ANKRD36: variants seen among roughly 807,000 people sequenced by gnomAD.
ANKRD36 encodes ankyrin repeat domain-containing protein 36A.
Under a neutral mutation model 278.1 loss-of-function variants are expected in ANKRD36, and 179 were observed. That is an observed-to-expected ratio of 0.64 (90% CI 0.57 to 0.73). ANKRD36 has a LOEUF of 0.73. Among genes scored for constraint, ANKRD36 ranks in the 30% least tolerant of loss-of-function variants. The pLI, the probability that ANKRD36 is intolerant of heterozygous loss-of-function variation, is 0.00. For missense variants in ANKRD36, 1,159 were observed against 1,956.7 expected (o/e 0.59, Z 7.69); for synonymous variants, 320 against 641.1 (o/e 0.50, Z 7.57).
At chr2:97,232,851 A>G (rs1366830261) in intron 67 of ANKRD36, among the ~76,000 whole-genome samples, 1 of 152,090 alleles carries the variant, frequency 6.6e-6, no homozygotes, top group African/African-American at 2.4e-5. Context: ...GTAGTTATGG[A>G]TGAAATAAAA....
At chr2:97,207,695 C>G (rs1444897906) in intron 52 of ANKRD36, 116 bp from the exon 53 acceptor site, 10 of 1,486,176 alleles carry the variant, frequency 6.7e-6, no homozygotes, top group Non-Finnish European at 9.1e-6. Flanking sequence ...TAGAAGCCAT[C>G]AAAGCCTACG....
At chr2:97,220,363 T>C (rs1427623948) in intron 66 of ANKRD36, among the ~76,000 whole-genome samples, 37 of 149,878 alleles carry the variant, frequency 2.5e-4, no homozygotes, top group African/African-American at 4.0e-4. Context: ...TTTGTACTTA[T>C]TAAGCATCCT....
At chr2:97,129,639 A>G (rs2039546909) in intron 6 of ANKRD36, among the ~76,000 whole-genome samples, 1 of 152,000 alleles carries the variant, frequency 6.6e-6, no homozygotes, top group Admixed American at 6.6e-5. Context: ...ATCTTGAATT[A>G]ATTTTTGTAT....
intron 20 of ANKRD36, among the ~76,000 whole-genome samples, chr2:97,165,437 G>C (rs1007287986): frequency 6.6e-6 from 1 of 152,086 alleles, no homozygotes; most frequent in African/African-American, 2.4e-5. Context: ...TTGCTTATGT[G>C]GTTGCCTTTA....
chr2:97,230,007 A>G (rs2153671032), intron 67 of ANKRD36, among the ~76,000 whole-genome samples: 1 of 152,152 alleles, frequency 6.6e-6, no homozygotes, highest in South Asian at 2.1e-4. Flanking sequence ...CGAGAGATCC[A>G]CTGTTAGTCT....
Position 97,192,752 on chromosome 2 carries a change from G to C in ANKRD36, c.2348-106G>C, listed in dbSNP as rs986700294. 9.8e-6 allele frequency: 14 copies of C among 1,425,498 alleles called. No homozygotes were observed. In the African/African-American group the frequency reaches 1.7e-4, roughly 17 times the overall value. 88.3% of individuals were successfully genotyped at this position (1,425,498 alleles called of 1,614,324 possible). On this transcript the variant is annotated intron_variant, in intron 36 of 75. Coordinates refer to ENST00000420699, the MANE Select transcript of ANKRD36 (RefSeq NM_001354587.1). ...AAAAGTAGAAGCCATCAAAGCCTAC[G>C]CTAATACAGGCAGGAGAACAGAGGT...
chr2:97,180,740 C>G (rs200389722), intron 24 of ANKRD36, among the ~76,000 whole-genome samples: 9 of 151,682 alleles, frequency 5.9e-5, no homozygotes, highest in Non-Finnish European at 1.2e-4. Context: ...TCCTTAGAGA[C>G]TAACATGATA....
chr2:97,196,922 T>C (rs1247998463), intron 42 of ANKRD36, 134 bp downstream of exon 42: 13 of 1,380,026 alleles, frequency 9.4e-6, no homozygotes, highest in South Asian at 2.9e-5. Flanking sequence ...TCATTTGCAG[T>C]AGGTTCTTGG....
At chr2:97,216,556 G>A (rs2065972892) in intron 62 of ANKRD36, 1 of 173,146 alleles carries the variant, frequency 5.8e-6, no homozygotes, top group Non-Finnish European at 1.2e-5. Context: ...GGCTAAACGA[G>A]TGGATACAAG....
At chr2:97,127,670 C>A (rs543708708) in intron 6 of ANKRD36, among the ~76,000 whole-genome samples, 4 of 152,054 alleles carry the variant, frequency 2.6e-5, no homozygotes, top group Non-Finnish European at 5.9e-5. Flanking sequence ...GCAGTAGTTA[C>A]AGCTGTAGTT....
intron 4 of ANKRD36, among the ~76,000 whole-genome samples, chr2:97,123,957 T>TTA (rs58038395): frequency 0.062 from 8,776 of 141,726 alleles, 387 homozygotes; most frequent in African/African-American, 0.11. Context: ...TCCTCCATAT[T>TTA]TATATATATA....
intron 34 of ANKRD36, among the ~76,000 whole-genome samples, chr2:97,190,649 A>C (rs2058323279): frequency 6.6e-6 from 1 of 151,520 alleles, no homozygotes; most frequent in Non-Finnish European, 1.5e-5. Flanking sequence ...ATTGATTCTC[A>C]CGTGTATGAG....
intron 30 of ANKRD36, among the ~76,000 whole-genome samples, chr2:97,186,819 T>G (rs1164120357): frequency 2.6e-5 from 4 of 151,842 alleles, no homozygotes; most frequent in Non-Finnish European, 4.4e-5. Context: ...TTTGGATATC[T>G]TGCATAAAAG....
chr2:97,222,005 A>G (rs1447354934), intron 66 of ANKRD36, among the ~76,000 whole-genome samples: 1 of 150,154 alleles, frequency 6.7e-6, no homozygotes, highest in Non-Finnish European at 1.5e-5. Flanking sequence ...ATGGCTAGCC[A>G]GTTTTCCCAG....
At chr2:97,186,776 T>C (rs559907530) in intron 30 of ANKRD36, among the ~76,000 whole-genome samples, 35 of 151,976 alleles carry the variant, frequency 2.3e-4, no homozygotes, top group African/African-American at 8.4e-4. Flanking sequence ...TTAATGAACA[T>C]GATGAATGTT....
chr2:97,129,415 G>A (rs1277636779), intron 6 of ANKRD36, among the ~76,000 whole-genome samples: 4 of 152,026 alleles, frequency 2.6e-5, no homozygotes, highest in Non-Finnish European at 4.4e-5. Context: ...CTCCCATTCT[G>A]TAGGTTGTCT....
At chr2:97,191,690 G>A (rs1052321677) in intron 36 of ANKRD36, among the ~76,000 whole-genome samples, 8 of 151,576 alleles carry the variant, frequency 5.3e-5, no homozygotes, top group Admixed American at 3.3e-4. Context: ...ATAATTTTGG[G>A]GTTTTTCCTG....
At chr2:97,199,935 G>A (rs2060860653) in intron 44 of ANKRD36, among the ~76,000 whole-genome samples, 1 of 151,876 alleles carries the variant, frequency 6.6e-6, no homozygotes, top group Admixed American at 6.6e-5. Context: ...GTATAATGGT[G>A]TAAATCCTCT....
At chr2:97,188,902 G>A (rs1479583302) in intron 32 of ANKRD36, among the ~76,000 whole-genome samples, 185 bp from the exon 33 acceptor site, 1 of 89,372 alleles carries the variant, frequency 1.1e-5, no homozygotes, top group East Asian at 2.2e-4. Flanking sequence ...ATATTTCATG[G>A]AGCCTGTATT....
Sources: allele counts gnomAD v4.1 joint callset (sites outside exome capture counted in the v4.1 genomes callset), GRCh38; gene constraint gnomAD v4.1.1; transcripts MANE v1.5; gene names NCBI Gene and HGNC (gene_info 2026-07-23, HGNC 2026-07-21).